Variants in SPAG6 observed in about 807,000 individuals in gnomAD.
The protein encoded by SPAG6 is sperm associated antigen 6.
A neutral mutation model predicts 58.5 loss-of-function variants in SPAG6; 49 were observed. The observed-to-expected ratio is 0.84, with a 90% CI of 0.67 to 1.06. SPAG6 has a LOEUF of 1.06. SPAG6 is among the 50% of genes least tolerant of loss of function. SPAG6 has a pLI of 0.00. For synonymous variants in SPAG6, 233 were observed against 225.6 expected (o/e 1.03, Z -0.29); for missense variants, 560 against 611.3 (o/e 0.92, Z 0.89).
chr10:22,401,929 G>A (rs1007313568), intron 9 of SPAG6, among the ~76,000 whole-genome samples: 5 of 152,160 alleles, frequency 3.3e-5, no homozygotes, highest in African/African-American at 1.2e-4. Context: ...GCTATCAAGA[G>A]CTGGCTAAAT....
At chr10:22,370,673 C>T (rs1348287707) in intron 4 of SPAG6, among the ~76,000 whole-genome samples, 1 of 152,142 alleles carries the variant, frequency 6.6e-6, no homozygotes, top group African/African-American at 2.4e-5. Flanking sequence ...CAACTCTTGT[C>T]ATGCTTAGAA....
intron 4 of SPAG6, among the ~76,000 whole-genome samples, chr10:22,386,356 T>G (rs545982924): frequency 1.3e-5 from 2 of 152,270 alleles, no homozygotes; most frequent in African/African-American, 4.8e-5. Context: ...TACTGCCTAA[T>G]TAGTGTGGTT....
intron 4 of SPAG6, among the ~76,000 whole-genome samples, chr10:22,375,296 C>T (rs747814122): frequency 6.6e-6 from 1 of 152,180 alleles, no homozygotes; most frequent in Non-Finnish European, 1.5e-5. Flanking sequence ...TTTGAAAGTG[C>T]TCCAATTGAG....
At chr10:22,406,249 T>G (rs1182892625) in intron 9 of SPAG6, among the ~76,000 whole-genome samples, 1 of 152,216 alleles carries the variant, frequency 6.6e-6, no homozygotes, top group Non-Finnish European at 1.5e-5. Context: ...ATTTTGGATC[T>G]TTCCTGCTTT....
At chr10:22,407,204 C>G (rs1222976098) in intron 9 of SPAG6, among the ~76,000 whole-genome samples, 1 of 149,758 alleles carries the variant, frequency 6.7e-6, no homozygotes, top group Non-Finnish European at 1.5e-5. Context: ...TGATTTTGCT[C>G]GTTAGTTGAT....
At chr10:22,397,222 A>ACG (rs1834314373) in intron 8 of SPAG6, among the ~76,000 whole-genome samples, 2 of 152,154 alleles carry the variant, frequency 1.3e-5, no homozygotes, top group Admixed American at 6.6e-5. Context: ...ACACACACAC[A>ACG]CGCACACACA....
chr10:22,355,162 G>C (rs986463783), intron 2 of SPAG6, among the ~76,000 whole-genome samples: 1 of 152,192 alleles, frequency 6.6e-6, no homozygotes, highest in Non-Finnish European at 1.5e-5. Flanking sequence ...ACATAGGCCA[G>C]TTTTTCTTGG....
intron 9 of SPAG6, among the ~76,000 whole-genome samples, chr10:22,406,116 G>A (rs530773973): frequency 6.6e-6 from 1 of 152,102 alleles, no homozygotes; most frequent in African/African-American, 2.4e-5. Context: ...TTTTTGAAGG[G>A]TTTTTTGTGT....
intron 9 of SPAG6, among the ~76,000 whole-genome samples, chr10:22,407,448 G>C (rs953283099): frequency 6.6e-6 from 1 of 151,992 alleles, no homozygotes; most frequent in Non-Finnish European, 1.5e-5. Context: ...TTTTCTTTAA[G>C]AATGTTGAAT....
rs565244248 is a variant in SPAG6 at position 22,413,780 on chromosome 10, T to C, written c.1460+2604T>C. Among the ~76,000 whole-genome samples, 44 of 151,906 alleles carry C rather than the reference T, an allele frequency of 2.9e-4. No homozygotes were observed. In the South Asian group the frequency reaches 8.7e-3, roughly 30 times the overall value. ...CATTAGGTTCTATAAAATCGTATTTTATAGAAATCTTGGAAATGTTGTCTT... is the reference window on the plus strand; with the variant it reads ...CATTAGGTTCTATAAAATCGTATTTCATAGAAATCTTGGAAATGTTGTCTT... On this transcript the variant is annotated intron_variant, in intron 10 of 10. Coordinates refer to ENST00000376624, the MANE Select transcript of SPAG6 (RefSeq NM_012443.4).
chr10:22,372,382 G>T (rs1246160311), intron 4 of SPAG6, among the ~76,000 whole-genome samples: 1 of 152,196 alleles, frequency 6.6e-6, no homozygotes, highest in Non-Finnish European at 1.5e-5. Context: ...CTTTTGGAAA[G>T]GGTGCCTGGA....
chr10:22,389,091 G>T, intron 6 of SPAG6, 69 bp from the exon 7 acceptor site: 2 of 1,328,496 alleles, frequency 1.5e-6, no homozygotes, highest in South Asian at 1.5e-5. Context: ...ATAGAGTGTG[G>T]CAATATTAAA....
intron 9 of SPAG6, among the ~76,000 whole-genome samples, chr10:22,408,511 G>A (rs376344010): frequency 9.5e-5 from 14 of 147,288 alleles, no homozygotes; most frequent in East Asian, 4.0e-4. Flanking sequence ...CTCCAGCTGC[G>A]TGCTGGGAGA....
At chr10:22,351,332 C>CT (rs1836721978) in intron 2 of SPAG6, among the ~76,000 whole-genome samples, 1 of 152,160 alleles carries the variant, frequency 6.6e-6, no homozygotes, top group Non-Finnish European at 1.5e-5. Context: ...CTTAATCAAA[C>CT]CAGGAGCTCT....
chr10:22,396,399 T>C (rs929638684), intron 8 of SPAG6, among the ~76,000 whole-genome samples: 2 of 152,180 alleles, frequency 1.3e-5, no homozygotes, highest in Non-Finnish European at 2.9e-5. Context: ...GAGTGCCTTT[T>C]GCCTCCTGCT....
At chr10:22,405,538 C>T (rs1450469075) in intron 9 of SPAG6, among the ~76,000 whole-genome samples, 1 of 149,706 alleles carries the variant, frequency 6.7e-6, no homozygotes, top group Non-Finnish European at 1.5e-5. Flanking sequence ...ATTCGGTTTG[C>T]CAGTATTTTA....
chr10:22,414,144 G>A (rs1252496421), intron 10 of SPAG6, among the ~76,000 whole-genome samples: 1 of 152,142 alleles, frequency 6.6e-6, no homozygotes, highest in Non-Finnish European at 1.5e-5. Context: ...GCTGGGGTGG[G>A]GAAGCAGCTT....
At chr10:22,352,122 C>G (rs1016966096) in intron 2 of SPAG6, among the ~76,000 whole-genome samples, 1 of 151,902 alleles carries the variant, frequency 6.6e-6, no homozygotes, top group African/African-American at 2.4e-5. Flanking sequence ...GATCGCTCCA[C>G]TGTGCTCCAG....
intron 2 of SPAG6, among the ~76,000 whole-genome samples, chr10:22,354,682 A>T (rs1836817688): frequency 6.6e-6 from 1 of 152,178 alleles, no homozygotes; most frequent in Non-Finnish European, 1.5e-5. Context: ...TCAGTTGAGA[A>T]TCTCACAGAC....
Sources: allele counts gnomAD v4.1 joint callset (sites outside exome capture counted in the v4.1 genomes callset), GRCh38; gene constraint gnomAD v4.1.1; transcripts MANE v1.5; gene names NCBI Gene and HGNC (gene_info 2026-07-23, HGNC 2026-07-21).